The following OR7E24 variants were observed in gnomAD, a reference collection of about 807,000 sequenced individuals.
OR7E24 encodes the protein olfactory receptor family 7 subfamily E member 24.
For missense variants in OR7E24, 385 were observed against 410.3 expected, an observed-to-expected ratio of 0.94 and a Z score of 0.53; for synonymous variants, 130 against 157.5, an observed-to-expected ratio of 0.83 and a Z score of 1.31.
At chr19:9,233,887 A>G in the OR7E24 span, among the ~76,000 whole-genome samples, 1 of 149,320 alleles carries the variant, frequency 6.7e-6, no homozygotes, top group East Asian at 2.0e-4. Flanking sequence ...ATCTGCAGCT[A>G]AGAGGGTTTA....
the OR7E24 span, among the ~76,000 whole-genome samples, chr19:9,232,733 A>G: frequency 2.6e-5 from 4 of 151,978 alleles, no homozygotes; most frequent in African/African-American, 7.2e-5. Flanking sequence ...TCTCTCATCT[A>G]TGAAACCTCC....
chr19:9,235,219 G>A, the OR7E24 span: 112 of 1,510,330 alleles, frequency 7.4e-5, no homozygotes, highest in Middle Eastern at 1.7e-4. Flanking sequence ...ACTGCAGCCC[G>A]TCCTCTTTGG....
the OR7E24 span, chr19:9,214,776 G>T: frequency 6.2e-7 from 1 of 1,613,992 alleles, no homozygotes; most frequent in Non-Finnish European, 8.5e-7. Context: ...CTGCAGTTCA[G>T]GATCATCTGA....
upstream of OR7E24, among the ~76,000 whole-genome samples, chr19:9,246,752 C>G (rs956476208): frequency 1.3e-5 from 2 of 152,100 alleles, no homozygotes; most frequent in Admixed American, 1.3e-4. Context: ...AAACCAATCA[C>G]CAAAGGGCAA....
At chr19:9,224,353 G>C in the OR7E24 span, among the ~76,000 whole-genome samples, 1 of 152,048 alleles carries the variant, frequency 6.6e-6, no homozygotes, top group Non-Finnish European at 1.5e-5. Flanking sequence ...ATATCTACAG[G>C]ACTTGGTAAC....
At chr19:9,214,535 C>T in the OR7E24 span, 1 of 1,614,154 alleles carries the variant, frequency 6.2e-7, no homozygotes, top group South Asian at 1.1e-5. Context: ...TTAAAAAATA[C>T]ACCTGAGTGA....
At chr19:9,210,765 C>T in the OR7E24 span, 1 of 151,926 alleles carries the variant, frequency 6.6e-6, no homozygotes, top group East Asian at 1.9e-4. Flanking sequence ...GAGATGAGCT[C>T]TTTCTTGATG....
the OR7E24 span, among the ~76,000 whole-genome samples, chr19:9,232,062 A>C: frequency 4.1e-4 from 62 of 152,302 alleles, no homozygotes; most frequent in Non-Finnish European, 4.4e-5. Flanking sequence ...AGCATCCCCC[A>C]AAATCATTTC....
chr19:9,237,228 TTCC>T, the OR7E24 span, among the ~76,000 whole-genome samples: 8 of 152,144 alleles, frequency 5.3e-5, no homozygotes, highest in Non-Finnish European at 7.3e-5. Flanking sequence ...CCTTCTATCC[TTCC>T]TCCTTTCTCC....
the OR7E24 span, among the ~76,000 whole-genome samples, chr19:9,225,453 G>A: frequency 6.8e-6 from 1 of 147,984 alleles, no homozygotes; most frequent in African/African-American, 2.5e-5. Context: ...GAAAAGAGAG[G>A]GAGGGAGGGA....
chr19:9,238,042 T>C, the OR7E24 span, among the ~76,000 whole-genome samples: 1 of 152,078 alleles, frequency 6.6e-6, no homozygotes. Flanking sequence ...TTTGGGAGGC[T>C]GAGGTGGGTG....
the OR7E24 span, among the ~76,000 whole-genome samples, chr19:9,226,850 A>G: frequency 6.6e-6 from 1 of 152,184 alleles, no homozygotes; most frequent in African/African-American, 2.4e-5. Flanking sequence ...TGGCTCCCTG[A>G]GAGGAACATC....
chr19:9,251,797 A>T lies in OR7E24; in HGVS notation c.742A>T (p.Lys248Ter). 2 of 1,613,002 alleles carry T rather than the reference A, an allele frequency of 1.2e-6. No individual in the cohort carries two copies. Among genetic ancestry groups the T allele is most frequent in the Non-Finnish European group, 1.7e-6 (2 of 1,179,424 alleles). Residue 248 changes from lysine to a stop codon, truncating the protein, a stop_gained, in exon 2 of 2, where the codon AAG becomes TAG. Transcript: ENST00000641946. LOFTEE classifies it low-confidence loss of function (END_TRUNC). Reference sequence around the variant, plus strand: ...TCTGAGAGTTCCAACATCAGATGGGAAGTATAAAGCCTTCTCCACCTGTGG... The same window carrying T: ...TCTGAGAGTTCCAACATCAGATGGGTAGTATAAAGCCTTCTCCACCTGTGG...
the OR7E24 span, among the ~76,000 whole-genome samples, chr19:9,227,934 T>C: frequency 6.6e-6 from 1 of 151,232 alleles, no homozygotes; most frequent in Non-Finnish European, 1.5e-5. Flanking sequence ...TTTGTATTTT[T>C]AGTAGAGACG....
the OR7E24 span, chr19:9,214,119 G>T: frequency 1.2e-6 from 2 of 1,614,182 alleles, no homozygotes; most frequent in Non-Finnish European, 1.7e-6. Flanking sequence ...AGATCCACAG[G>T]TGGAAAAGGC....
chr19:9,250,171 T>C (rs2066141281), upstream of OR7E24, among the ~76,000 whole-genome samples: 1 of 152,060 alleles, frequency 6.6e-6, no homozygotes, highest in Non-Finnish European at 1.5e-5. Context: ...CATGGTTCAG[T>C]GCAGCCTCGA....
At chr19:9,206,981 A>G in the OR7E24 span, 3 of 152,324 alleles carry the variant, frequency 2.0e-5, no homozygotes, top group South Asian at 2.1e-4. Flanking sequence ...CACCAGTGAT[A>G]GTTCAGACGA....
chr19:9,249,653 G>A (rs555273109), upstream of OR7E24, among the ~76,000 whole-genome samples: 392 of 152,240 alleles, frequency 2.6e-3, 6 homozygotes, highest in African/African-American at 9.0e-3. Flanking sequence ...TAATGCCAAA[G>A]TATTTTAACA....
At chr19:9,243,677 T>A (rs948391457), upstream of OR7E24, among the ~76,000 whole-genome samples, 1 of 152,158 alleles carries the variant, frequency 6.6e-6, no homozygotes, top group Non-Finnish European at 1.5e-5. Context: ...TTTGACACAG[T>A]TTCCAATTCC....
Sources: allele counts gnomAD v4.1 joint callset (sites outside exome capture counted in the v4.1 genomes callset), GRCh38; gene constraint gnomAD v4.1.1; transcripts MANE v1.5; gene names NCBI Gene and HGNC (gene_info 2026-07-23, HGNC 2026-07-21).